Variants in FNBP1L observed in about 807,000 individuals in gnomAD.
FNBP1L encodes the protein formin binding protein 1 like.
In FNBP1L, 36 loss-of-function variants were observed where a neutral mutation model predicts 91.2. The ratio of observed to expected loss-of-function variants is 0.39; its 90% CI spans 0.30 to 0.52. The LOEUF is 0.52. FNBP1L is among the 20% of genes least tolerant of loss of function. The pLI is 0.66. For missense variants in FNBP1L, 571 were observed against 732.1 expected (o/e 0.78, Z 2.54); for synonymous variants, 242 against 237.0 (o/e 1.02, Z -0.19).
chr1:93,524,336 A>G lies in FNBP1L; in HGVS notation c.405+13A>G. The G allele has an allele frequency of 1.4e-6, 2 of 1,479,938 alleles. No individual in the cohort carries two copies. The highest frequency in any genetic ancestry group is 1.8e-6 in the Non-Finnish European group (2 of 1,114,266). 91.7% of individuals were successfully genotyped at this position (1,479,938 alleles called of 1,614,324 possible). ...ACAGATGGATAATGTGAGTTATGAC[A>G]TTTTCATGGTTAACATAAAATCTTG... On this transcript the variant is annotated intron_variant, in intron 5 of 16. Coordinates refer to ENST00000271234, the MANE Select transcript of FNBP1L (RefSeq NM_001164473.3).
At chr1:93,455,311 A>G (rs978783901) in intron 1 of FNBP1L, among the ~76,000 whole-genome samples, 1 of 152,066 alleles carries the variant, frequency 6.6e-6, no homozygotes, top group Non-Finnish European at 1.5e-5. Flanking sequence ...TCCTGCGTCA[A>G]CCTCTCAAGT....
At chr1:93,503,583 T>C (rs996430478) in intron 2 of FNBP1L, among the ~76,000 whole-genome samples, 1 of 152,214 alleles carries the variant, frequency 6.6e-6, no homozygotes, top group Non-Finnish European at 1.5e-5. Context: ...TTCTGGTGTT[T>C]GATATTGATT....
chr1:93,500,648 A>G (rs1003538952), intron 2 of FNBP1L, among the ~76,000 whole-genome samples: 1 of 149,636 alleles, frequency 6.7e-6, no homozygotes, highest in Non-Finnish European at 1.5e-5. Flanking sequence ...ATAGCTAATG[A>G]TGGGGGAAGG....
intron 12 of FNBP1L, among the ~76,000 whole-genome samples, chr1:93,545,372 C>G (rs942553157): frequency 6.6e-6 from 1 of 152,094 alleles, no homozygotes; most frequent in Non-Finnish European, 1.5e-5. Context: ...TTGAATGTAC[C>G]TCTGGTGACT....
chr1:93,526,383 A>G (rs974968329), intron 5 of FNBP1L, among the ~76,000 whole-genome samples: 1 of 152,144 alleles, frequency 6.6e-6, no homozygotes, highest in South Asian at 2.1e-4. Flanking sequence ...TTCCTCAGCC[A>G]TGTCTCCTTA....
intron 1 of FNBP1L, among the ~76,000 whole-genome samples, chr1:93,482,324 A>T (rs370023947): frequency 1.3e-5 from 2 of 152,300 alleles, no homozygotes; most frequent in South Asian, 4.1e-4. Flanking sequence ...TACTGTAAAC[A>T]TATGATTTAT....
chr1:93,509,131 G>A (rs1014229512), intron 2 of FNBP1L, among the ~76,000 whole-genome samples: 4 of 152,186 alleles, frequency 2.6e-5, no homozygotes, highest in Non-Finnish European at 4.4e-5. Flanking sequence ...TGGAGGAGCT[G>A]TATTTTAGGA....
chr1:93,519,284 C>T (rs1181691705), intron 2 of FNBP1L, among the ~76,000 whole-genome samples: 1 of 152,112 alleles, frequency 6.6e-6, no homozygotes, highest in Non-Finnish European at 1.5e-5. Flanking sequence ...ATTTGATGTT[C>T]CAGCAACATT....
In FNBP1L at chr1:93,549,274, A is replaced by G. The variant is rs772205887; in HGVS notation, c.1503-4A>G. 1.3e-6 allele frequency: 2 copies of G among 1,595,866 alleles called. No homozygotes were observed. On this transcript the variant is annotated splice_region_variant and splice_polypyrimidine_tract_variant and intron_variant, in intron 14 of 16. Transcript: ENST00000271234. ...TTGATCAGAGATAATTTTTTGTTTTATAGTCCTGAGGGAAGTTACACTGAT... is the reference window on the plus strand; with the variant it reads ...TTGATCAGAGATAATTTTTTGTTTTGTAGTCCTGAGGGAAGTTACACTGAT...
chr1:93,454,508 G>A (rs1284248104), intron 1 of FNBP1L, among the ~76,000 whole-genome samples: 1 of 152,126 alleles, frequency 6.6e-6, no homozygotes, highest in South Asian at 2.1e-4. Flanking sequence ...GAAGATGAAA[G>A]TGTATTTATT....
chr1:93,504,242 A>G (rs983640489), intron 2 of FNBP1L, among the ~76,000 whole-genome samples: 8 of 152,210 alleles, frequency 5.3e-5, no homozygotes, highest in African/African-American at 1.9e-4. Flanking sequence ...GCAGCTTTCT[A>G]TTAATACTGG....
chr1:93,546,800 A>G, intron 12 of FNBP1L, 42 bp from the exon 13 acceptor site: 2 of 1,603,548 alleles, frequency 1.2e-6, no homozygotes, highest in Non-Finnish European at 1.7e-6. Flanking sequence ...CTGGAAGCAT[A>G]TGAAGTTAAT....
chr1:93,509,512 G>T (rs1313702816), intron 2 of FNBP1L, among the ~76,000 whole-genome samples: 1 of 152,196 alleles, frequency 6.6e-6, no homozygotes, highest in African/African-American at 2.4e-5. Flanking sequence ...ACAAAAGAAG[G>T]GTAGTGATAC....
In FNBP1L at chr1:93,454,695, G is replaced by A. The variant is rs776452053; in HGVS notation, c.24+6390G>A. 1.2e-4 allele frequency among the ~76,000 whole-genome samples: 18 copies of A among 151,406 alleles called. 1 individual carries two copies. The highest frequency in any genetic ancestry group is 3.3e-4 in the Admixed American group (5 of 15,230). On this transcript the variant is annotated intron_variant, in intron 1 of 16. Coordinates refer to ENST00000271234, the MANE Select transcript of FNBP1L (RefSeq NM_001164473.3). ...GCCCTCCATATCATTTGATTTCCACGTCTGTGGATTCAACCAACCATGGAC... is the reference window on the plus strand; with the variant it reads ...GCCCTCCATATCATTTGATTTCCACATCTGTGGATTCAACCAACCATGGAC...
At chr1:93,520,277 A>G (rs1671279690) in intron 2 of FNBP1L, among the ~76,000 whole-genome samples, 1 of 152,218 alleles carries the variant, frequency 6.6e-6, no homozygotes, top group Admixed American at 6.5e-5. Flanking sequence ...GCATTAATTG[A>G]TACTAATCTG....
intron 1 of FNBP1L, among the ~76,000 whole-genome samples, chr1:93,472,735 C>G (rs1669335960): frequency 1.5e-5 from 2 of 131,528 alleles, no homozygotes; most frequent in South Asian, 5.1e-4. Context: ...TAGTGTGAAC[C>G]CGGGAGGCGG....
At chr1:93,524,001 C>T (rs950046393) in intron 4 of FNBP1L, among the ~76,000 whole-genome samples, 1 of 152,082 alleles carries the variant, frequency 6.6e-6, no homozygotes, top group East Asian at 1.9e-4. Flanking sequence ...TCAAGACAAT[C>T]ATTATTTTTC....
intron 16 of FNBP1L, chr1:93,552,030 T>TTTG (rs1672431036): frequency 9.9e-7 from 1 of 1,014,894 alleles, no homozygotes; most frequent in South Asian, 4.6e-5. Context: ...GGAGAAACTT[T>TTTG]TTGACTATCT....
chr1:93,551,229 A>G, intron 16 of FNBP1L, 124 bp downstream of exon 16: 1 of 1,391,242 alleles, frequency 7.2e-7, no homozygotes. Context: ...AGGGCATCCA[A>G]GATTAATTGT....
Sources: allele counts gnomAD v4.1 joint callset (sites outside exome capture counted in the v4.1 genomes callset), GRCh38; gene constraint gnomAD v4.1.1; transcripts MANE v1.5; gene names NCBI Gene and HGNC (gene_info 2026-07-23, HGNC 2026-07-21).